The following KIAA1671 variants were observed in gnomAD, a reference collection of about 807,000 sequenced individuals.
The protein encoded by KIAA1671 is KIAA1671.
In KIAA1671, 52 loss-of-function variants were observed where a neutral mutation model predicts 131.2. That is an observed-to-expected ratio of 0.40 (90% CI 0.32 to 0.50). The LOEUF is 0.50. KIAA1671 is among the 20% of genes least tolerant of loss of function. The pLI, the probability that KIAA1671 is intolerant of heterozygous loss-of-function variation, is 0.73. For missense variants in KIAA1671, 2,360 were observed against 2,364.2 expected (o/e 1.00, Z 0.04); for synonymous variants, 1,003 against 961.6 (o/e 1.04, Z -0.80).
At chr22:25,071,710 G>A (rs1928838542) in intron 6 of KIAA1671, among the ~76,000 whole-genome samples, 1 of 152,176 alleles carries the variant, frequency 6.6e-6, no homozygotes, top group South Asian at 2.1e-4. Flanking sequence ...AGATGACTAA[G>A]ATACAGTCCA....
rs116196572 is a variant in KIAA1671 at position 25,170,946 on chromosome 22, G to A, written c.4649+8G>A. The A allele has an allele frequency of 4.4e-4, 679 of 1,550,612 alleles. 2 individuals carry two copies. The African/African-American group carries it at 7.0e-3, about 16-fold the overall frequency. ...GTGCCAGAGTGGGGAGAGGTAGGAC[G>A]CGTGCGACGGGATTCTGGCTGCAAA... is the stretch of plus-strand genomic sequence containing the variant. On this transcript the variant is annotated splice_region_variant and intron_variant, in intron 7 of 12. Coordinates refer to ENST00000358431, the MANE Select transcript of KIAA1671 (RefSeq NM_001145206.2).
At chr22:25,152,269 T>C (rs1484057325) in intron 6 of KIAA1671, among the ~76,000 whole-genome samples, 1 of 152,180 alleles carries the variant, frequency 6.6e-6, no homozygotes, top group Non-Finnish European at 1.5e-5. Context: ...CTTTTAGCAG[T>C]AGAGTGACTG....
chr22:25,112,461 T>C (rs1456074483), intron 6 of KIAA1671: 1 of 399,020 alleles, frequency 2.5e-6, no homozygotes, highest in Non-Finnish European at 4.4e-6. Flanking sequence ...CCGCCAGATA[T>C]TGTAAGCTTA....
At chr22:25,043,338 G>A (rs1927050510) in intron 5 of KIAA1671, among the ~76,000 whole-genome samples, 1 of 152,156 alleles carries the variant, frequency 6.6e-6, no homozygotes, top group African/African-American at 2.4e-5. Flanking sequence ...TGGGCAGAGT[G>A]CTGACACTAC....
chr22:24,990,693 TC>T (rs1309572024), intron 1 of KIAA1671, among the ~76,000 whole-genome samples: 1 of 152,242 alleles, frequency 6.6e-6, no homozygotes, highest in Non-Finnish European at 1.5e-5. Flanking sequence ...GCCTTGCCCT[TC>T]CTTGAAGGGT....
intron 6 of KIAA1671, among the ~76,000 whole-genome samples, chr22:25,116,198 G>A (rs1242898522): frequency 6.6e-6 from 1 of 151,876 alleles, no homozygotes; most frequent in Admixed American, 6.6e-5. Flanking sequence ...CTCACCTCTG[G>A]AATAGCTGGG....
Position 25,188,301 on chromosome 22 carries a change from A to AAAACAAACAAAC in KIAA1671, c.5343-2395_5343-2384dup, listed in dbSNP as rs59519027. On this transcript the variant is annotated intron_variant, in intron 11 of 12. Transcript: ENST00000358431. ...GGGCGACAGAGAGAGACTCCGTCTC[A>AAAACAAACAAAC]AAACAAACAAACAAACAGTTTAAAC... Among the ~76,000 whole-genome samples, 200 of 151,680 alleles carry AAAACAAACAAAC rather than the reference A, an allele frequency of 1.3e-3. 3 individuals are homozygous for AAAACAAACAAAC. The South Asian group carries it at 0.032, about 24-fold the overall frequency.
chr22:25,177,823 C>T (rs890340410), intron 9 of KIAA1671, among the ~76,000 whole-genome samples: 3 of 152,090 alleles, frequency 2.0e-5, no homozygotes, highest in African/African-American at 7.2e-5. Flanking sequence ...TTCTGAGTCC[C>T]ACAAAAGCCA....
At chr22:24,972,324 T>TGC (rs1468498941) in intron 1 of KIAA1671, among the ~76,000 whole-genome samples, 1 of 152,244 alleles carries the variant, frequency 6.6e-6, no homozygotes, top group Non-Finnish European at 1.5e-5. Flanking sequence ...CAGGACCCTG[T>TGC]GCTCATAAGC....
chr22:25,105,940 A>G (rs944593691), intron 6 of KIAA1671, among the ~76,000 whole-genome samples: 5 of 152,084 alleles, frequency 3.3e-5, no homozygotes, highest in Non-Finnish European at 5.9e-5. Flanking sequence ...TATTAATAGT[A>G]TCAGCCTCCT....
intron 1 of KIAA1671, among the ~76,000 whole-genome samples, chr22:24,984,067 C>T (rs546727424): frequency 6.6e-6 from 1 of 152,046 alleles, no homozygotes; most frequent in African/African-American, 2.4e-5. Flanking sequence ...TGTGAGCAAC[C>T]GCGCCTGGCC....
chr22:25,123,690 T>A (rs1932051527), intron 6 of KIAA1671, among the ~76,000 whole-genome samples: 1 of 152,152 alleles, frequency 6.6e-6, no homozygotes, highest in Non-Finnish European at 1.5e-5. Flanking sequence ...TGGAAGCAGA[T>A]CTTCCAGCCT....
chr22:25,039,484 G>A lies in KIAA1671; in HGVS notation c.2354G>A (p.Gly785Asp). The A allele has an allele frequency of 6.4e-7, 1 of 1,551,808 alleles. No individual in the cohort carries two copies. Among genetic ancestry groups the A allele is most frequent in the Non-Finnish European group, 8.7e-7 (1 of 1,147,016 alleles). ...QEVTPADLEC[G>D]LEGQAGSVQR... ...GTCACCCCTGCTGACCTGGAGTGTG[G>A]TTTGGAAGGTCAGGCGGGGTCCGTC... is the stretch of plus-strand genomic sequence containing the variant. The change falls in exon 5 of 13, where the codon GGT (glycine) becomes GAT (aspartate). Residue 785 changes from glycine (G) to aspartate (D), a missense_variant. Around this residue, in one of 3 missense-constraint regions of KIAA1671, gnomAD observed 1,185 missense variants for 1,126.2 expected, o/e 1.05. Coordinates refer to ENST00000358431, the MANE Select transcript of KIAA1671 (RefSeq NM_001145206.2).
Position 25,028,340 on chromosome 22 carries a change from T to G in KIAA1671, c.341T>G (p.Val114Gly). ...CTGGACAACAGGATGCCCGGCTTGGTGGGGCAGGAGGTGGGCAGTGGGGAG... is the reference window on the plus strand; with the variant it reads ...CTGGACAACAGGATGCCCGGCTTGGGGGGGCAGGAGGTGGGCAGTGGGGAG... Reference protein sequence around the residue: ...KDLDNRMPGLVGQEVGSGEGP... With the variant: ...KDLDNRMPGLGGQEVGSGEGP... The change falls in exon 3 of 13, where the codon GTG becomes GGG. Residue 114 changes from valine to glycine, a missense_variant. Transcript: ENST00000358431. The G allele has an allele frequency of 6.4e-7, 1 of 1,550,802 alleles. No homozygotes were observed. Among genetic ancestry groups the G allele is most frequent in the Non-Finnish European group, 8.7e-7 (1 of 1,146,974 alleles).
At chr22:24,956,937 C>T (rs922637587) in intron 1 of KIAA1671, among the ~76,000 whole-genome samples, 2 of 151,600 alleles carry the variant, frequency 1.3e-5, no homozygotes, top group South Asian at 2.1e-4. Flanking sequence ...AAACCCTGGC[C>T]CTGCCTGCTC....
At chr22:25,058,614 A>T (rs1927982901) in intron 6 of KIAA1671, 1 of 152,178 alleles carries the variant, frequency 6.6e-6, no homozygotes, top group Non-Finnish European at 1.5e-5. Flanking sequence ...TGTTTATATA[A>T]AAACGAGTTA....
chr22:25,144,411 G>A (rs1932847411), intron 6 of KIAA1671, among the ~76,000 whole-genome samples: 1 of 152,182 alleles, frequency 6.6e-6, no homozygotes, highest in East Asian at 1.9e-4. Context: ...CTCCTGTGAT[G>A]GGGAATGTGA....
chr22:25,102,003 A>G (rs1317620232), intron 6 of KIAA1671, among the ~76,000 whole-genome samples: 1 of 152,154 alleles, frequency 6.6e-6, no homozygotes, highest in East Asian at 1.9e-4. Context: ...GGGAGTATCT[A>G]AGCTGAGCTG....
chr22:25,184,663 T>C (rs936643529), intron 10 of KIAA1671, among the ~76,000 whole-genome samples: 4 of 152,148 alleles, frequency 2.6e-5, no homozygotes, highest in African/African-American at 9.7e-5. Context: ...TGGAGGGAGC[T>C]GCTCTCTCCA....
Sources: gnomAD v4.1 joint callset for allele counts (sites outside exome capture counted in the v4.1 genomes callset) on GRCh38, gnomAD v4.1.1 for gene constraint, gnomAD v4.1.1 regional missense constraint, MANE v1.5 for transcripts, NCBI Gene and HGNC (gene_info 2026-07-23, HGNC 2026-07-21) for gene names.